The following DDX5 variants were observed in gnomAD, a reference collection of about 807,000 sequenced individuals.
The protein encoded by DDX5 is probable ATP-dependent RNA helicase DDX5.
Under a neutral mutation model 68.6 loss-of-function variants are expected in DDX5, and 6 were observed. That is an observed-to-expected ratio of 0.09 (90% CI 0.05 to 0.17). The LOEUF is 0.17. Ranked by LOEUF, DDX5 falls within the 10% of genes least tolerant of loss-of-function variation. DDX5 has a pLI of 1.00. For missense variants in DDX5, 499 were observed against 756.1 expected, an observed-to-expected ratio of 0.66 and a Z score of 3.99; for synonymous variants, 350 against 247.0, an observed-to-expected ratio of 1.42 and a Z score of -3.91.
At position 64,498,574 on chromosome 17, in the gene DDX5, T is replaced by A. The variant is rs1348177425; in HGVS notation, c.*1349A>T. Among the ~76,000 whole-genome samples, 1 of 152,180 alleles carries A rather than the reference T, an allele frequency of 6.6e-6. No homozygotes were observed. The highest frequency in any genetic ancestry group is 6.5e-5 in the Admixed American group (1 of 15,274). On this transcript the variant is annotated 3_prime_UTR_variant, in exon 13 of 13. Coordinates refer to ENST00000225792, the MANE Select transcript of DDX5 (RefSeq NM_004396.5). Reference sequence around the variant, plus strand: ...GTTTTCAATGTCTAAGTCCTAGAAATATCACTCCCTATCCCAGCCCTAGCA... The same window carrying A: ...GTTTTCAATGTCTAAGTCCTAGAAAAATCACTCCCTATCCCAGCCCTAGCA...
intron 10 of DDX5, 35 bp downstream of exon 10, chr17:64,502,127 G>GT: frequency 6.2e-7 from 1 of 1,613,832 alleles, no homozygotes; most frequent in Non-Finnish European, 8.5e-7. Context: ...GCTAGGTTAA[G>GT]TAAGGGGGAA....
rs2038249493 is a variant in DDX5, at chr17:64,499,800, A to G, written c.*123T>C. ...CTTAAATAGCGAAAAAGTGCACCAT[A>G]ATTACTGCTGCACTGCAGTCATTTC... On this transcript the variant is annotated 3_prime_UTR_variant, in exon 13 of 13. Coordinates refer to ENST00000225792, the MANE Select transcript of DDX5 (RefSeq NM_004396.5). 1.1e-6 allele frequency: 1 copy of G among 878,118 alleles called. No individual in the cohort carries two copies. The allele number at this position is 878,118 out of a possible 1,614,324, so 54.4% of individuals were successfully genotyped here.
upstream of DDX5, chr17:64,506,394 A>T: frequency 1.4e-6 from 2 of 1,401,958 alleles, no homozygotes; most frequent in Non-Finnish European, 1.9e-6. Flanking sequence ...CCTCGCGCAT[A>T]GGCCGCAACG....
In DDX5 at chr17:64,504,114, T is replaced by A; in HGVS notation, c.310A>T (p.Asn104Tyr). 6.2e-7 allele frequency: 1 copy of A among 1,614,092 alleles called. No homozygotes were observed. The highest frequency in any genetic ancestry group is 8.5e-7 in the Non-Finnish European group (1 of 1,179,970). ...LNFYEANFPA[N>Y]VMDVIARQNF... Reference sequence around the variant, plus strand: ...TGTCTTGCAATAACATCCATGACATTTGCTATAATTAGTAACAGATATTTA... The same window carrying A: ...TGTCTTGCAATAACATCCATGACATATGCTATAATTAGTAACAGATATTTA... The change falls in exon 4 of 13, where the codon AAT (asparagine) becomes TAT (tyrosine). Residue 104 changes from asparagine to tyrosine, a missense_variant and splice_region_variant. Asn to Tyr is a moderately radical substitution (Grantham distance 143). Coordinates refer to ENST00000225792, the MANE Select transcript of DDX5 (RefSeq NM_004396.5).
Position 64,498,819 on chromosome 17 carries a change from ATC to A in DDX5, c.*1102_*1103del, listed in dbSNP as rs1349092093. Among the ~76,000 whole-genome samples, 2 of 152,222 alleles carry A rather than the reference ATC, an allele frequency of 1.3e-5. No individual in the cohort carries two copies. Among genetic ancestry groups the A allele is most frequent in the South Asian group, 4.1e-4 (2 of 4,834 alleles). ...AGTTAAACCTAAAGCTATCCCCTGG[ATC>A]TTTCTAGCAATAAACCCATGTTGAA... On this transcript the variant is annotated 3_prime_UTR_variant, in exon 13 of 13. Coordinates refer to ENST00000225792, the MANE Select transcript of DDX5 (RefSeq NM_004396.5).
rs1230579753 is a variant in DDX5 at position 64,506,221 on chromosome 17, A to C, written c.-102T>G. The C allele has an allele frequency of 1.8e-5, 28 of 1,557,062 alleles. No individual in the cohort carries two copies. Among genetic ancestry groups the C allele is most frequent in the Non-Finnish European group, 2.2e-5 (25 of 1,150,672 alleles). ...GACGGCGAAGCCTTGCGGGGGCGGC[A>C]GCGGAGGAAGGACACCGATGACACC... On this transcript the variant is annotated 5_prime_UTR_variant, in exon 1 of 13. Transcript: ENST00000225792.
intron 1 of DDX5, chr17:64,505,865 C>T: frequency 2.0e-6 from 3 of 1,535,986 alleles, no homozygotes; most frequent in East Asian, 4.9e-5. Context: ...CCAATCCCCA[C>T]ACAAAAAGCA....
chr17:64,505,753 A>ATGT (rs1362765553), intron 1 of DDX5: 1 of 1,535,978 alleles, frequency 6.5e-7, no homozygotes, highest in Non-Finnish European at 8.7e-7. Context: ...CACCTAACAG[A>ATGT]TGTTCCTTCG....
At chr17:64,502,728 A>G (rs1261372149) in intron 8 of DDX5, 179 bp from the exon 9 acceptor site, 6 of 714,274 alleles carry the variant, frequency 8.4e-6, no homozygotes, top group African/African-American at 1.8e-5. Flanking sequence ...ACCAGGGGAC[A>G]CATGAATTCC....
At chr17:64,501,779 C>G in intron 11 of DDX5, 1 of 581,090 alleles carries the variant, frequency 1.7e-6, no homozygotes, top group Non-Finnish European at 3.1e-6. Flanking sequence ...TACTGGCACA[C>G]GTTCAGCTTT....
At chr17:64,506,424 C>A (rs963924234), upstream of DDX5, 1 of 1,375,458 alleles carries the variant, frequency 7.3e-7, no homozygotes. Flanking sequence ...GTTCCAGGAT[C>A]GCCGCGCTTT....
In DDX5 at chr17:64,504,783, C is replaced by T; in HGVS notation, c.104G>A (p.Gly35Glu). The change falls in exon 2 of 13, where the codon GGA becomes GAA. Residue 35 changes from glycine (G) to glutamate (E), a missense_variant. Coordinates refer to ENST00000225792, the MANE Select transcript of DDX5 (RefSeq NM_004396.5). The part of the protein sequence containing the change: ...RAGPLSGKKF[G>E]NPGEKLVKKK... The stretch of plus-strand genomic sequence containing the variant: ...TTTAACTAATTTCTCCCCAGGGTTT[C>T]CAAACTTCTTTCCAGATAAGGGCCC... 6.2e-7 allele frequency: 1 copy of T among 1,614,076 alleles called. No individual in the cohort carries two copies. The highest frequency in any genetic ancestry group is 8.5e-7 in the Non-Finnish European group (1 of 1,179,984).
At chr17:64,501,100 C>T in intron 11 of DDX5, 1 of 320,530 alleles carries the variant, frequency 3.1e-6, no homozygotes, top group South Asian at 4.6e-5. Flanking sequence ...AGTAGGGCCA[C>T]TTAAAGTTTC....
intron 1 of DDX5, chr17:64,505,644 C>A: frequency 7.9e-7 from 1 of 1,262,132 alleles, no homozygotes; most frequent in Non-Finnish European, 1.1e-6. Flanking sequence ...ATGGCTGATG[C>A]CGGCCGCCCT....
At position 64,503,511 on chromosome 17, in the gene DDX5, A is replaced by G. The variant is rs200672228; in HGVS notation, c.568T>C (p.Tyr190His). The change falls in exon 6 of 13, where the codon TAT (tyrosine) becomes CAT (histidine). Residue 190 changes from tyrosine to histidine, a missense_variant. Around this residue, in one of 5 missense-constraint regions of DDX5, gnomAD observed 141 missense variants for 279.8 expected, o/e 0.50. Coordinates refer to ENST00000225792, the MANE Select transcript of DDX5 (RefSeq NM_004396.5). Reference sequence around the variant, plus strand: ...GACTTCAAGCGACATGCTCTACAATATTCAGCAGCTACTTGCTGCACCTGT... The same window carrying G: ...GACTTCAAGCGACATGCTCTACAATGTTCAGCAGCTACTTGCTGCACCTGT... Reference protein sequence around the residue: ...AQQVQQVAAEYCRACRLKSTC... With the variant: ...AQQVQQVAAEHCRACRLKSTC... 2 of 1,614,234 alleles carry G rather than the reference A, an allele frequency of 1.2e-6. No individual in the cohort carries two copies. The highest frequency in any genetic ancestry group is 1.3e-5 in the African/African-American group (1 of 75,052).
chr17:64,506,164 G>T lies in DDX5; in HGVS notation c.-45C>A. 1 of 1,600,922 alleles carries T rather than the reference G, an allele frequency of 6.2e-7. No homozygotes were observed. Among genetic ancestry groups the T allele is most frequent in the Non-Finnish European group, 8.5e-7 (1 of 1,174,066 alleles). On this transcript the variant is annotated 5_prime_UTR_variant, in exon 1 of 13. Transcript: ENST00000225792. ...GGCGGGGAACGAAGTATATAGAAAA[G>T]CGTGCGACAAGTCGCTGGAAATGGC...
chr17:64,502,376 C>A (rs2038318439), intron 9 of DDX5, 63 bp downstream of exon 9: 3 of 1,448,666 alleles, frequency 2.1e-6, no homozygotes, highest in Non-Finnish European at 2.9e-6. Flanking sequence ...TGCTCGTGAT[C>A]CAAGTTTGCC....
Position 64,506,284 on chromosome 17 carries a change from T to A in DDX5, c.-165A>T. On this transcript the variant is annotated 5_prime_UTR_variant, in exon 1 of 13. Transcript: ENST00000225792. ...ACTACTAGAGACCGGTAGAAATGAA[T>A]GAGGTGCCGGCCGCTTTCCGGCAGC... 3.9e-6 allele frequency: 6 copies of A among 1,525,538 alleles called. No homozygotes were observed. Among genetic ancestry groups the A allele is most frequent in the South Asian group, 1.2e-5 (1 of 83,128 alleles). The allele number at this position is 1,525,538 out of a possible 1,614,324, so 94.5% of individuals were successfully genotyped here.
chr17:64,500,094 A>G lies in DDX5; in HGVS notation c.1674T>C (p.Phe558=), dbSNP rs2038257537. The change falls in exon 13 of 13, where the codon TTT becomes TTC. Residue 558 remains phenylalanine (F), a synonymous_variant. Coordinates refer to ENST00000225792, the MANE Select transcript of DDX5 (RefSeq NM_004396.5). Reference sequence around the variant, plus strand: ...AAGTCCCTGTTGGATTACCAGTCCTAAAACTGGTCTGTATACCAGCAGACA... The same window carrying G: ...AAGTCCCTGTTGGATTACCAGTCCTGAAACTGGTCTGTATACCAGCAGACA... ...NFVSAGIQTS[F]RTGNPTGTYQ... 6.2e-7 allele frequency: 1 copy of G among 1,614,186 alleles called. No homozygotes were observed. Among genetic ancestry groups the G allele is most frequent in the Non-Finnish European group, 8.5e-7 (1 of 1,180,024 alleles).
Sources: allele counts gnomAD v4.1 joint callset (sites outside exome capture counted in the v4.1 genomes callset), GRCh38; gene constraint gnomAD v4.1.1; regional missense constraint gnomAD v4.1.1; transcripts MANE v1.5; gene names NCBI Gene and HGNC (gene_info 2026-07-23, HGNC 2026-07-21).